The following TNS3 variants were observed in gnomAD, a reference collection of about 807,000 sequenced individuals.
The protein encoded by TNS3 is tensin 3, also known as tensin-3.
Under a neutral mutation model 140.9 loss-of-function variants are expected in TNS3, and 45 were observed. That is an observed-to-expected ratio of 0.32 (90% CI 0.25 to 0.41). The LOEUF (loss-of-function observed/expected upper bound fraction) is 0.41, where lower values mean the gene tolerates loss of function less well. TNS3 is among the 10% of genes least tolerant of loss of function. The pLI is 1.00. For synonymous variants in TNS3, 815 were observed against 788.4 expected, an observed-to-expected ratio of 1.03 and a Z score of -0.56; for missense variants, 1,716 against 1,906.7, an observed-to-expected ratio of 0.90 and a Z score of 1.86.
chr7:47,379,141 G>A (rs1184436677), intron 16 of TNS3, among the ~76,000 whole-genome samples: 1 of 152,222 alleles, frequency 6.6e-6, no homozygotes, highest in Non-Finnish European at 1.5e-5. Flanking sequence ...TTGCGAGGAG[G>A]GGAGGTACGG....
At chr7:47,300,362 G>C (rs950095116) in intron 23 of TNS3, among the ~76,000 whole-genome samples, 4 of 152,276 alleles carry the variant, frequency 2.6e-5, no homozygotes, top group African/African-American at 9.6e-5. Flanking sequence ...CTGAGATGGG[G>C]TCCTCCCAGC....
At chr7:47,531,923 G>A (rs1050059361) in intron 1 of TNS3, among the ~76,000 whole-genome samples, 2 of 152,276 alleles carry the variant, frequency 1.3e-5, no homozygotes, top group Admixed American at 6.5e-5. Context: ...ATCCACGGCT[G>A]CAGACCTGGG....
Position 47,280,367 on chromosome 7 carries a change from G to C in TNS3, c.4098-13C>G, listed in dbSNP as rs953489765. 1.2e-6 allele frequency: 2 copies of C among 1,613,638 alleles called. No homozygotes were observed. The highest frequency in any genetic ancestry group is 1.7e-5 in the Admixed American group (1 of 60,000). On this transcript the variant is annotated splice_polypyrimidine_tract_variant and intron_variant, in intron 28 of 30. Transcript: ENST00000311160. ...CCGGAAGAAGAGCCTGTTGGGACAT[G>C]GGGGAGAGAGGATGGCTCCTGTTAC... is the stretch of plus-strand genomic sequence containing the variant.
intron 20 of TNS3, among the ~76,000 whole-genome samples, chr7:47,339,160 T>C (rs1411000358): frequency 6.6e-6 from 1 of 152,216 alleles, no homozygotes; most frequent in Non-Finnish European, 1.5e-5. Flanking sequence ...CAGTTTGTCT[T>C]TTTTATCCTC....
intron 16 of TNS3, among the ~76,000 whole-genome samples, chr7:47,386,654 T>C (rs1159294838): frequency 6.6e-6 from 1 of 152,230 alleles, no homozygotes; most frequent in Non-Finnish European, 1.5e-5. Context: ...GGTCTCAGCT[T>C]TGCTCAGCCT....
At position 47,488,751 on chromosome 7, in the gene TNS3, G is replaced by A. The variant is rs576242240; in HGVS notation, c.-114-7610C>T. On this transcript the variant is annotated intron_variant, in intron 3 of 30. Coordinates refer to ENST00000311160, the MANE Select transcript of TNS3 (RefSeq NM_022748.12). ...ACAGGACGGGTGGAGACGTCAGGTC[G>A]ACACAGAACGTTCTGGGCACACCAA... Among the ~76,000 whole-genome samples the A allele has an allele frequency of 8.5e-5, 13 of 152,100 alleles. 1 individual carries two copies. In the South Asian group the frequency reaches 1.5e-3, roughly 17 times the overall value.
intron 1 of TNS3, among the ~76,000 whole-genome samples, chr7:47,562,489 C>T (rs796473167): frequency 1.1e-4 from 17 of 151,814 alleles, no homozygotes; most frequent in African/African-American, 3.9e-4. Flanking sequence ...CGGGTTCAAG[C>T]GATTCTCCTG....
chr7:47,345,001 A>G lies in TNS3; in HGVS notation c.2489T>C (p.Ile830Thr). Residue 830 changes from isoleucine to threonine, a missense_variant, in exon 19 of 31, where the codon ATC becomes ACC. Physicochemically the swap from Ile to Thr is moderately conservative, Grantham distance 89. Coordinates refer to ENST00000311160, the MANE Select transcript of TNS3 (RefSeq NM_022748.12). The part of the protein sequence containing the change: ...TPGYPQDLDI[I>T]DGRILSSKES... ...CTTGCTACTTAAAATTCTGCCATCG[A>G]TAATATCGAGGTCCTGGGGATAGCC... 1 of 1,614,186 alleles carries G rather than the reference A, an allele frequency of 6.2e-7. No homozygotes were observed. The highest frequency in any genetic ancestry group is 2.2e-5 in the East Asian group (1 of 44,886).
At chr7:47,370,516 A>G (rs1296820551) in intron 16 of TNS3, among the ~76,000 whole-genome samples, 1 of 152,222 alleles carries the variant, frequency 6.6e-6, no homozygotes, top group Non-Finnish European at 1.5e-5. Context: ...GTGGGCAGGA[A>G]GGGCTGAAGC....
intron 16 of TNS3, among the ~76,000 whole-genome samples, chr7:47,374,410 A>G (rs984000760): frequency 6.6e-6 from 1 of 152,210 alleles, no homozygotes; most frequent in African/African-American, 2.4e-5. Context: ...GGCTGGGTAA[A>G]TATCTGTCTT....
At chr7:47,439,173 C>G (rs920233516) in intron 6 of TNS3, among the ~76,000 whole-genome samples, 1 of 152,160 alleles carries the variant, frequency 6.6e-6, no homozygotes, top group Admixed American at 6.5e-5. Flanking sequence ...AGCATGGGAG[C>G]GCAAGGGTGG....
intron 3 of TNS3, among the ~76,000 whole-genome samples, chr7:47,501,178 AAGG>A (rs1798204256): frequency 5.4e-5 from 1 of 18,390 alleles, no homozygotes; most frequent in Non-Finnish European, 1.9e-4. Flanking sequence ...GGAAGAGAGG[AAGG>A]AAGGAAGGGA....
intron 3 of TNS3, among the ~76,000 whole-genome samples, chr7:47,506,219 CACCA>C (rs1422371237): frequency 6.6e-6 from 1 of 152,162 alleles, no homozygotes; most frequent in South Asian, 2.1e-4. Context: ...TAAGTACAGC[CACCA>C]TCCCCAGGAG....
At chr7:47,345,421 A>G (rs1396712770) in intron 18 of TNS3, among the ~76,000 whole-genome samples, 1 of 152,228 alleles carries the variant, frequency 6.6e-6, no homozygotes, top group Admixed American at 6.5e-5. Flanking sequence ...GATGCATAAA[A>G]ACACATAGTA....
intron 4 of TNS3, among the ~76,000 whole-genome samples, chr7:47,471,411 G>A (rs1270460046): frequency 6.6e-6 from 1 of 152,112 alleles, no homozygotes; most frequent in Non-Finnish European, 1.5e-5. Context: ...GCCGTCCTGG[G>A]TCCCACTCAC....
intron 3 of TNS3, among the ~76,000 whole-genome samples, chr7:47,492,193 TAC>T (rs1274619281): frequency 6.6e-6 from 1 of 152,210 alleles, no homozygotes; most frequent in Non-Finnish European, 1.5e-5. Flanking sequence ...ATGTCCACCC[TAC>T]ACTGGCTTTC....
intron 2 of TNS3, among the ~76,000 whole-genome samples, chr7:47,511,675 C>A (rs770228963): frequency 4.7e-4 from 72 of 152,008 alleles, no homozygotes; most frequent in Admixed American, 8.5e-4. Flanking sequence ...CAACTTTGAC[C>A]AACAGAAAGG....
intron 4 of TNS3, among the ~76,000 whole-genome samples, chr7:47,460,601 G>GC (rs1179462623): frequency 6.6e-6 from 1 of 152,222 alleles, no homozygotes; most frequent in East Asian, 1.9e-4. Context: ...CCCTCTCCTG[G>GC]CAGGAAGCCA....
intron 2 of TNS3, among the ~76,000 whole-genome samples, chr7:47,528,053 G>A (rs952627598): frequency 1.3e-5 from 2 of 152,140 alleles, no homozygotes; most frequent in African/African-American, 2.4e-5. Flanking sequence ...TAGCGACCAG[G>A]GTGGCCGGTA....
Sources: gnomAD v4.1 joint callset for allele counts (sites outside exome capture counted in the v4.1 genomes callset) on GRCh38, gnomAD v4.1.1 for gene constraint, MANE v1.5 for transcripts, NCBI Gene and HGNC (gene_info 2026-07-23, HGNC 2026-07-21) for gene names.